The following SMC4 variants were observed in gnomAD, a reference collection of about 807,000 sequenced individuals.
SMC4 encodes the protein structural maintenance of chromosomes protein 4.
In SMC4, 87 loss-of-function variants were observed where a neutral mutation model predicts 145.6. The observed-to-expected ratio is 0.60, with a 90% CI of 0.50 to 0.71. The LOEUF is 0.71. Ranked by LOEUF, SMC4 falls within the 30% of genes least tolerant of loss-of-function variation. The pLI, the probability that SMC4 is intolerant of heterozygous loss-of-function variation, is 0.00. For synonymous variants in SMC4, 558 were observed against 500.7 expected (o/e 1.11, Z -1.53); for missense variants, 1,447 against 1,537.1 (o/e 0.94, Z 0.98).
In SMC4 at chr3:160,411,971, G is replaced by A. The variant is rs930684478; in HGVS notation, c.739G>A (p.Asp247Asn). ...MMKPKGQTEH[D>N]EGMLEYLEDI... is the part of the protein sequence containing the mutation. ...GAAACCAAAAGGCCAGACTGAACAC[G>A]ATGAGGGTATGCTTGAATATTTAGA... Residue 247 changes from aspartate to asparagine, a missense_variant, in exon 6 of 24, where the codon GAT becomes AAT. Physicochemically the swap from Asp to Asn is conservative, Grantham distance 23 (BLOSUM62 1). Transcript: ENST00000357388. 12 of 1,613,464 alleles carry A rather than the reference G, an allele frequency of 7.4e-6. No individual in the cohort carries two copies. In the African/African-American group the frequency reaches 9.3e-5, roughly 13 times the overall value.
chr3:160,426,484 T>C (rs904601872), intron 17 of SMC4, among the ~76,000 whole-genome samples: 8 of 152,136 alleles, frequency 5.3e-5, no homozygotes, highest in Non-Finnish European at 1.0e-4. Flanking sequence ...CCCTAATCTT[T>C]CCAAAACCCC....
intron 13 of SMC4, among the ~76,000 whole-genome samples, chr3:160,422,363 T>A (rs1289388750): frequency 6.6e-6 from 1 of 152,238 alleles, no homozygotes; most frequent in Non-Finnish European, 1.5e-5. Flanking sequence ...ACACTTGTTA[T>A]GGTACATCTT....
chr3:160,414,643 C>G, intron 9 of SMC4, 126 bp downstream of exon 9: 1 of 994,814 alleles, frequency 1.0e-6, no homozygotes, highest in Admixed American at 2.6e-5. Flanking sequence ...TAAGGTTTGT[C>G]TCTGAACATG....
intron 5 of SMC4, among the ~76,000 whole-genome samples, chr3:160,409,745 T>C (rs767462162): frequency 6.6e-5 from 10 of 152,212 alleles, no homozygotes; most frequent in Non-Finnish European, 1.3e-4. Flanking sequence ...TTTATTTGGA[T>C]GATAAACACT....
intron 1 of SMC4, 52 bp downstream of exon 1, chr3:160,399,801 G>A (rs1229147032): frequency 6.6e-6 from 1 of 152,352 alleles, no homozygotes; most frequent in Non-Finnish European, 1.5e-5. Context: ...TTCCTGCCTT[G>A]TCCGCGAGCG....
intron 12 of SMC4, 60 bp downstream of exon 12, chr3:160,419,603 T>C: frequency 1.8e-5 from 27 of 1,488,330 alleles, no homozygotes; most frequent in Non-Finnish European, 2.4e-5. Context: ...GTGTAACTTA[T>C]TTTTTTGCCT....
intron 7 of SMC4, chr3:160,412,930 T>A (rs947457650): frequency 7.0e-6 from 3 of 428,188 alleles, no homozygotes; most frequent in African/African-American, 6.5e-5. Context: ...CAGATCTGAT[T>A]TTTTTCAGCT....
Position 160,430,009 on chromosome 3 carries a change from C to T in SMC4, c.2796-590C>T, listed in dbSNP as rs1010685908. On this transcript the variant is annotated intron_variant, in intron 18 of 23. Transcript: ENST00000357388. ...GGATTACAGGCATGAGCCACCGCAC[C>T]CGGCCTTAATTTTTTTAGAGTATTT... 2.0e-5 allele frequency among the ~76,000 whole-genome samples: 3 copies of T among 152,256 alleles called. No individual in the cohort carries two copies. The East Asian group carries it at 5.8e-4, about 29-fold the overall frequency.
In SMC4 at chr3:160,423,488, G is replaced by C. The variant is rs748833024; in HGVS notation, c.2083G>C (p.Asp695His). 1 of 1,610,916 alleles carries C rather than the reference G, an allele frequency of 6.2e-7. No individual in the cohort carries two copies. The highest frequency in any genetic ancestry group is 2.2e-5 in the East Asian group (1 of 44,736). ...TCCTGAAAATACTCCTCGTTTATTT[G>C]ATTTAGTAAAAGTAAAAGATGAGAA... The part of the protein sequence containing the change: ...QTPENTPRLF[D>H]LVKVKDEKIR... The change falls in exon 14 of 24, where the codon GAT (aspartate) becomes CAT (histidine). Residue 695 changes from aspartate (D) to histidine (H), a missense_variant. By Grantham distance (81) the Asp-to-His change is moderately conservative (BLOSUM62 -1). Transcript: ENST00000357388.
At chr3:160,427,945 A>G (rs1323722469) in intron 17 of SMC4, among the ~76,000 whole-genome samples, 2 of 149,952 alleles carry the variant, frequency 1.3e-5, no homozygotes, top group East Asian at 1.9e-4. Flanking sequence ...ACGCACGCAC[A>G]CACACAAACA....
chr3:160,420,292 T>C (rs1250583752), intron 12 of SMC4, among the ~76,000 whole-genome samples: 1 of 152,210 alleles, frequency 6.6e-6, no homozygotes, highest in Admixed American at 6.5e-5. Context: ...CTTCTGCATC[T>C]TGTATCGGGA....
In SMC4 at chr3:160,404,322, A is replaced by G. The variant is rs765651925; in HGVS notation, c.511-6A>G. On this transcript the variant is annotated splice_region_variant and splice_polypyrimidine_tract_variant and intron_variant, in intron 4 of 23. Transcript: ENST00000357388. ...TGTTTTCTGGTTTTGTTTTTCCTCA[A>G]AACAGGAAGGGGATGATTATGAAGT... 6.3e-7 allele frequency: 1 copy of G among 1,593,152 alleles called. No individual in the cohort carries two copies. Among genetic ancestry groups the G allele is most frequent in the Non-Finnish European group, 8.5e-7 (1 of 1,174,862 alleles).
At chr3:160,402,139 TGTAAG>T (rs767522910) in intron 3 of SMC4, 46 bp downstream of exon 3, 50 of 1,234,782 alleles carry the variant, frequency 4.0e-5, no homozygotes, top group South Asian at 1.7e-4. Context: ...AAATAACTAT[TGTAAG>T]GTAATACGTT....
intron 12 of SMC4, among the ~76,000 whole-genome samples, chr3:160,420,238 C>T (rs546914763): frequency 2.6e-5 from 4 of 152,246 alleles, no homozygotes; most frequent in Admixed American, 6.5e-5. Context: ...GTCAGCCTTT[C>T]GGAGAAGGGA....
In SMC4 at chr3:160,416,268, T is replaced by C. The variant is rs769142121; in HGVS notation, c.1290T>C (p.Ser430=). ...KDKEKVEEFK[S]IPAKSNNIIN... ...AATCTCAGGTTGAAGAATTTAAAAG[T>C]ATACCTGCCAAGAGTAACAATATCA... Residue 430 remains serine (S), a synonymous_variant, in exon 10 of 24, where the codon AGT becomes AGC. Transcript: ENST00000357388. 5.7e-6 allele frequency: 9 copies of C among 1,590,000 alleles called. No homozygotes were observed. The highest frequency in any genetic ancestry group is 1.2e-5 in the South Asian group (1 of 86,866).
chr3:160,415,269 G>C (rs1477841811), intron 9 of SMC4, among the ~76,000 whole-genome samples: 1 of 152,256 alleles, frequency 6.6e-6, no homozygotes, highest in Non-Finnish European at 1.5e-5. Flanking sequence ...CTAGTCAGGA[G>C]AGTGAGGCGG....
At chr3:160,427,114 CTG>C (rs1398366704) in intron 17 of SMC4, among the ~76,000 whole-genome samples, 2 of 152,152 alleles carry the variant, frequency 1.3e-5, no homozygotes, top group African/African-American at 4.8e-5. Context: ...TAATTTGTGT[CTG>C]TGTTTATCTG....
intron 22 of SMC4, 161 bp from the exon 23 acceptor site, chr3:160,432,865 A>G: frequency 1.2e-5 from 7 of 606,650 alleles, no homozygotes; most frequent in Non-Finnish European, 2.0e-5. Context: ...GCATCCTCCA[A>G]TAACGTTTTT....
In SMC4 at chr3:160,414,979, A is replaced by T. The variant is rs556491488; in HGVS notation, c.1272+462A>T. ...TTAATTTTCTTTTTCCTAAAGTAGT[A>T]GTTTTTAAAGATATTTAAGTTAGGT... On this transcript the variant is annotated intron_variant, in intron 9 of 23. Transcript: ENST00000357388. Among the ~76,000 whole-genome samples the T allele has an allele frequency of 2.6e-5, 4 of 152,306 alleles. No homozygotes were observed. In the South Asian group the frequency reaches 8.3e-4, roughly 32 times the overall value.
Sources: allele counts gnomAD v4.1 joint callset (sites outside exome capture counted in the v4.1 genomes callset), GRCh38; gene constraint gnomAD v4.1.1; transcripts MANE v1.5; gene names NCBI Gene and HGNC (gene_info 2026-07-23, HGNC 2026-07-21).